Variants in AGBL1 observed in about 807,000 individuals in gnomAD.
AGBL1 encodes cytosolic carboxypeptidase 4.
Under a neutral mutation model 118.9 loss-of-function variants are expected in AGBL1, and 130 were observed. The observed-to-expected ratio is 1.09, with a 90% confidence interval of 0.95 to 1.26. The LOEUF is 1.26. Among genes scored for constraint, AGBL1 ranks in the 50% most tolerant of loss-of-function variants. The pLI is 0.00. For synonymous variants in AGBL1, 555 were observed against 478.9 expected, an observed-to-expected ratio of 1.16 and a Z score of -2.08; for missense variants, 1,584 against 1,298.1, an observed-to-expected ratio of 1.22 and a Z score of -3.38.
chr15:86,599,819 G>C (rs1485908017), intron 21 of AGBL1, among the ~76,000 whole-genome samples: 1 of 152,016 alleles, frequency 6.6e-6, no homozygotes, highest in Non-Finnish European at 1.5e-5. Context: ...TTTTGCTTGA[G>C]ATCCAATTGG....
intron 22 of AGBL1, among the ~76,000 whole-genome samples, chr15:86,825,568 T>G (rs2078997451): frequency 6.7e-6 from 1 of 149,368 alleles, no homozygotes; most frequent in Non-Finnish European, 1.5e-5. Context: ...AAAGGAAGTA[T>G]ACAGATGGCA....
chr15:86,973,307 T>C (rs953432627), intron 23 of AGBL1, among the ~76,000 whole-genome samples: 1 of 152,062 alleles, frequency 6.6e-6, no homozygotes, highest in African/African-American at 2.4e-5. Context: ...TCATGAAACC[T>C]AAACTTACTT....
At chr15:86,193,864 A>G (rs2077759146) in intron 5 of AGBL1, among the ~76,000 whole-genome samples, 1 of 152,196 alleles carries the variant, frequency 6.6e-6, no homozygotes, top group Non-Finnish European at 1.5e-5. Context: ...TTTGCATTAA[A>G]CAATCACACT....
chr15:86,756,266 A>G (rs1417585797), intron 22 of AGBL1, among the ~76,000 whole-genome samples: 4 of 151,816 alleles, frequency 2.6e-5, no homozygotes, highest in Non-Finnish European at 5.9e-5. Context: ...GAAAAAGACT[A>G]CACAGCCATT....
intron 22 of AGBL1, among the ~76,000 whole-genome samples, chr15:86,854,150 G>T (rs967865213): frequency 1.3e-5 from 2 of 152,018 alleles, no homozygotes; most frequent in African/African-American, 4.8e-5. Flanking sequence ...TCCCATTCAC[G>T]GTGTCTCACT....
chr15:86,119,655 T>TGTG (rs1897973182), intron 1 of AGBL1, among the ~76,000 whole-genome samples: 2 of 148,690 alleles, frequency 1.3e-5, no homozygotes, highest in East Asian at 2.0e-4. Flanking sequence ...GAAAAGTAGT[T>TGTG]TGTGTGTGTG....
intron 24 of AGBL1, among the ~76,000 whole-genome samples, chr15:87,005,622 G>C (rs561137907): frequency 1.3e-5 from 2 of 152,154 alleles, no homozygotes; most frequent in African/African-American, 4.8e-5. Flanking sequence ...TAACTTCTTT[G>C]CCATGGGTTC....
chr15:86,273,731 A>G (rs2079198534), intron 15 of AGBL1, among the ~76,000 whole-genome samples: 1 of 152,082 alleles, frequency 6.6e-6, no homozygotes, highest in Non-Finnish European at 1.5e-5. Flanking sequence ...ACTCTGCTCT[A>G]TTTCTATTAT....
At chr15:86,303,382 A>C (rs2079785330) in intron 17 of AGBL1, among the ~76,000 whole-genome samples, 1 of 152,178 alleles carries the variant, frequency 6.6e-6, no homozygotes, top group South Asian at 2.1e-4. Flanking sequence ...GATGTGTCTC[A>C]GAAGTGAGAC....
At chr15:86,793,568 T>C (rs1394997697) in intron 22 of AGBL1, among the ~76,000 whole-genome samples, 1 of 152,200 alleles carries the variant, frequency 6.6e-6, no homozygotes, top group African/African-American at 2.4e-5. Context: ...CAATTTGTTT[T>C]TAAAATATGA....
At chr15:86,825,685 G>GAGAGGGAGGGAGGAAGGAAGGA (rs1567193126) in intron 22 of AGBL1, among the ~76,000 whole-genome samples, 1 of 136,512 alleles carries the variant, frequency 7.3e-6, no homozygotes, top group Non-Finnish European at 1.5e-5. Context: ...GGAAGGAAGG[G>GAGAGGGAGGGAGGAAGGAAGGA]AGAGAGGGAG....
intron 17 of AGBL1, among the ~76,000 whole-genome samples, chr15:86,333,365 C>G (rs1595981129): frequency 6.6e-6 from 1 of 152,010 alleles, no homozygotes; most frequent in African/African-American, 2.4e-5. Context: ...ACAAGTAATC[C>G]CTCAGAAATA....
At chr15:86,487,182 A>G (rs2082723845) in intron 18 of AGBL1, among the ~76,000 whole-genome samples, 1 of 152,156 alleles carries the variant, frequency 6.6e-6, no homozygotes, top group South Asian at 2.1e-4. Context: ...GAATAAAGGG[A>G]TGGCAAAGTC....
At chr15:86,782,442 C>T (rs555068673) in intron 22 of AGBL1, among the ~76,000 whole-genome samples, 1 of 152,246 alleles carries the variant, frequency 6.6e-6, no homozygotes, top group East Asian at 1.9e-4. Context: ...TACTATTTCT[C>T]ATTTCTAAAA....
chr15:86,197,562 T>C lies in AGBL1; in HGVS notation c.489-27352T>C, dbSNP rs552313842. On this transcript the variant is annotated intron_variant, in intron 5 of 22. Transcript: ENST00000614907. ...CGATTTCTAAGCAAAATGTTGAAGATGTGGCTATGTTCTTCCTGAATGCTT... is the reference window on the plus strand; with the variant it reads ...CGATTTCTAAGCAAAATGTTGAAGACGTGGCTATGTTCTTCCTGAATGCTT... 1.8e-4 allele frequency among the ~76,000 whole-genome samples: 28 copies of C among 152,322 alleles called. No individual in the cohort carries two copies. The South Asian group carries it at 5.4e-3, about 29-fold the overall frequency.
intron 23 of AGBL1, among the ~76,000 whole-genome samples, chr15:86,930,896 C>A (rs1359027661): frequency 6.6e-6 from 1 of 152,112 alleles, no homozygotes; most frequent in Admixed American, 6.5e-5. Context: ...GTTAGAGTTG[C>A]GAGATGTCTG....
chr15:86,447,448 T>C (rs1399467977), intron 18 of AGBL1, among the ~76,000 whole-genome samples: 2 of 152,194 alleles, frequency 1.3e-5, no homozygotes, highest in Non-Finnish European at 2.9e-5. Flanking sequence ...AGAGGAGAGA[T>C]GGAAAGAAAC....
At chr15:86,581,283 A>G (rs774472075) in intron 21 of AGBL1, among the ~76,000 whole-genome samples, 11 of 152,286 alleles carry the variant, frequency 7.2e-5, no homozygotes, top group Non-Finnish European at 1.5e-4. Context: ...TAGGAATAAA[A>G]TGACCACTTT....
At chr15:86,852,479 C>G (rs1055162443) in intron 22 of AGBL1, among the ~76,000 whole-genome samples, 1 of 152,154 alleles carries the variant, frequency 6.6e-6, no homozygotes, top group Admixed American at 6.5e-5. Context: ...TTACGACATC[C>G]CCTGCTATCT....
Sources: allele counts gnomAD v4.1 joint callset (sites outside exome capture counted in the v4.1 genomes callset), GRCh38; gene constraint gnomAD v4.1.1; transcripts MANE v1.5; gene names NCBI Gene and HGNC (gene_info 2026-07-23, HGNC 2026-07-21).